Variants in STK3 observed in about 807,000 individuals in gnomAD.
STK3 encodes the protein serine/threonine-protein kinase 3.
A neutral mutation model predicts 58.0 loss-of-function variants in STK3; 41 were observed. The ratio of observed to expected loss-of-function variants is 0.71; its 90% confidence interval spans 0.55 to 0.92. The LOEUF (loss-of-function observed/expected upper bound fraction) is 0.92, where lower values mean the gene tolerates loss of function less well. Ranked by LOEUF, STK3 falls within the 40% of genes least tolerant of loss-of-function variation. STK3 has a pLI of 0.00. For missense variants in STK3, 479 were observed against 602.7 expected (o/e 0.79, Z 2.15); for synonymous variants, 170 against 191.0 (o/e 0.89, Z 0.91).
the STK3 span, among the ~76,000 whole-genome samples, chr8:98,366,193 G>T: frequency 6.6e-6 from 1 of 152,104 alleles, no homozygotes; most frequent in African/African-American, 2.4e-5. Context: ...ATGTGCAATT[G>T]AATTTCCTTG....
At chr8:98,373,490 A>G (rs1466054615) in intron 2 of STK3, among the ~76,000 whole-genome samples, 1 of 152,166 alleles carries the variant, frequency 6.6e-6, no homozygotes, top group Non-Finnish European at 1.5e-5. Context: ...ATTGAGCTAA[A>G]TGTTCTTACT....
At chr8:98,803,009 A>G (rs1833658721) in intron 1 of STK3, among the ~76,000 whole-genome samples, 2 of 152,214 alleles carry the variant, frequency 1.3e-5, no homozygotes, top group African/African-American at 4.8e-5. Context: ...AATAAGAACA[A>G]TACATACTTG....
intron 10 of STK3, among the ~76,000 whole-genome samples, chr8:98,522,624 T>G (rs1825450235): frequency 6.6e-6 from 1 of 152,152 alleles, no homozygotes; most frequent in African/African-American, 2.4e-5. Context: ...ATTCACACTC[T>G]CATACAAGCA....
intron 2 of STK3, among the ~76,000 whole-genome samples, chr8:98,378,815 A>G (rs550521469): frequency 9.9e-5 from 15 of 151,790 alleles, no homozygotes; most frequent in Non-Finnish European, 1.9e-4. Context: ...ACAAAACACA[A>G]CTCTCCACAT....
At chr8:98,901,373 A>T (rs1838650334) in intron 1 of STK3, among the ~76,000 whole-genome samples, 2 of 152,228 alleles carry the variant, frequency 1.3e-5, no homozygotes, top group African/African-American at 4.8e-5. Context: ...CCCCCATCCA[A>T]ACAGCATTAC....
intron 4 of STK3, among the ~76,000 whole-genome samples, chr8:98,733,354 G>A (rs570334922): frequency 6.6e-6 from 1 of 152,306 alleles, no homozygotes; most frequent in East Asian, 1.9e-4. Context: ...GGTGAGTGGC[G>A]GGTGGGCAAG....
chr8:98,761,382 C>T (rs1830605144), intron 3 of STK3, among the ~76,000 whole-genome samples: 1 of 151,902 alleles, frequency 6.6e-6, no homozygotes, highest in Non-Finnish European at 1.5e-5. Context: ...ACCTCGGCCT[C>T]CCAAAGTGCA....
At chr8:98,841,207 C>T (rs1262979812) in intron 3 of STK3, among the ~76,000 whole-genome samples, 2 of 152,172 alleles carry the variant, frequency 1.3e-5, no homozygotes, top group Non-Finnish European at 2.9e-5. Context: ...AGAAACAAAT[C>T]ACTATGTCCA....
chr8:98,378,223 C>A (rs897014163), intron 2 of STK3, among the ~76,000 whole-genome samples: 1 of 152,220 alleles, frequency 6.6e-6, no homozygotes, highest in African/African-American at 2.4e-5. Context: ...GCTAAGACAT[C>A]ACCCTGAGGT....
intron 10 of STK3, among the ~76,000 whole-genome samples, chr8:98,479,839 G>C (rs193013897): frequency 6.6e-6 from 1 of 152,316 alleles, no homozygotes; most frequent in African/African-American, 2.4e-5. Flanking sequence ...TGAGGTAAGA[G>C]AAGACATGCT....
intron 9 of STK3, among the ~76,000 whole-genome samples, chr8:98,546,220 T>C (rs1046519190): frequency 2.0e-5 from 3 of 152,204 alleles, no homozygotes; most frequent in African/African-American, 4.8e-5. Flanking sequence ...AATTATAACA[T>C]GTATTGATTT....
chr8:98,409,148 G>A (rs188217916), intron 3 of STK3, among the ~76,000 whole-genome samples: 72 of 152,316 alleles, frequency 4.7e-4, no homozygotes, highest in African/African-American at 1.6e-3. Flanking sequence ...CACTGCTGAT[G>A]ATGCCCCTTG....
At chr8:98,629,790 G>GC (rs2130488999) in intron 6 of STK3, among the ~76,000 whole-genome samples, 1 of 152,286 alleles carries the variant, frequency 6.6e-6, no homozygotes, top group South Asian at 2.1e-4. Context: ...CCCAAGGCTA[G>GC]CTACTTCTTA....
intron 1 of STK3, among the ~76,000 whole-genome samples, chr8:98,381,901 A>C (rs1347556223): frequency 6.6e-6 from 1 of 152,142 alleles, no homozygotes; most frequent in Non-Finnish European, 1.5e-5. Context: ...TCAAAGTTTG[A>C]TATTTTGTAC....
intron 1 of STK3, among the ~76,000 whole-genome samples, chr8:98,440,187 G>A (rs1307511250): frequency 6.6e-6 from 1 of 152,164 alleles, no homozygotes; most frequent in East Asian, 1.9e-4. Flanking sequence ...CAAAAGGTTG[G>A]GGACTGGGAG....
At chr8:98,906,965 T>A (rs959284173) in intron 1 of STK3, among the ~76,000 whole-genome samples, 12 of 138,078 alleles carry the variant, frequency 8.7e-5, no homozygotes, top group Non-Finnish European at 1.1e-4. Flanking sequence ...CTGAGCAACA[T>A]AGGGATAACC....
intron 1 of STK3, among the ~76,000 whole-genome samples, chr8:98,896,438 C>T (rs1838449062): frequency 6.6e-6 from 1 of 152,220 alleles, no homozygotes; most frequent in Non-Finnish European, 1.5e-5. Flanking sequence ...ATCCCCTCCC[C>T]AACCCCATTC....
chr8:98,602,502 C>T (rs766382256), intron 6 of STK3, among the ~76,000 whole-genome samples: 2 of 152,210 alleles, frequency 1.3e-5, no homozygotes, highest in African/African-American at 2.4e-5. Context: ...ATCTTTTGTA[C>T]ATAAATTACC....
chr8:98,588,439 T>C (rs1814888066), intron 7 of STK3, among the ~76,000 whole-genome samples: 1 of 151,466 alleles, frequency 6.6e-6, no homozygotes, highest in African/African-American at 2.4e-5. Flanking sequence ...CACTCTCTTC[T>C]GGCTTGTAGG....
Sources: gnomAD v4.1 joint callset for allele counts (sites outside exome capture counted in the v4.1 genomes callset) on GRCh38, gnomAD v4.1.1 for gene constraint, MANE v1.5 for transcripts, NCBI Gene and HGNC (gene_info 2026-07-23, HGNC 2026-07-21) for gene names.